The following PGPEP1L variants were observed in gnomAD, a reference collection of about 807,000 sequenced individuals.
The protein encoded by PGPEP1L is pyroglutamyl-peptidase 1-like protein.
PGPEP1L carries 7 observed loss-of-function variants against 6.0 expected under a neutral mutation model. The ratio of observed to expected loss-of-function variants is 1.17; its 90% CI spans 0.66 to 2.19. The LOEUF (loss-of-function observed/expected upper bound fraction) is 2.19. PGPEP1L is among the 30% of genes most tolerant of loss of function. The pLI is 0.00. For synonymous variants in PGPEP1L, 103 were observed against 83.9 expected (o/e 1.23, Z -1.24); for missense variants, 209 against 192.5 (o/e 1.09, Z -0.51).
At chr15:98,985,944 T>G (rs1380432873) in intron 2 of PGPEP1L, among the ~76,000 whole-genome samples, 1 of 152,226 alleles carries the variant, frequency 6.6e-6, no homozygotes, top group Non-Finnish European at 1.5e-5. Context: ...CAACTTTGCT[T>G]GAGCTTCCTC....
chr15:98,988,542 G>GA (rs1464426028), intron 2 of PGPEP1L, among the ~76,000 whole-genome samples: 2 of 152,196 alleles, frequency 1.3e-5, no homozygotes, highest in African/African-American at 4.8e-5. Flanking sequence ...GCACCTGGGG[G>GA]AAGGGGCAGC....
chr15:98,970,018 C>T (rs1036221652), intron 3 of PGPEP1L, among the ~76,000 whole-genome samples: 1 of 151,794 alleles, frequency 6.6e-6, no homozygotes, highest in Non-Finnish European at 1.5e-5. Context: ...TTGGTGGAAT[C>T]CTGAATCTTT....
intron 2 of PGPEP1L, among the ~76,000 whole-genome samples, chr15:98,984,886 A>G (rs569082113): frequency 6.6e-6 from 1 of 151,890 alleles, no homozygotes; most frequent in African/African-American, 2.4e-5. Flanking sequence ...GACGGTGGAG[A>G]AGACAAACTC....
intron 2 of PGPEP1L, among the ~76,000 whole-genome samples, chr15:99,002,097 C>T (rs926583787): frequency 6.6e-5 from 10 of 152,070 alleles, no homozygotes; most frequent in African/African-American, 2.4e-4. Flanking sequence ...CTGCAGCTTC[C>T]ATCTCCTGGG....
chr15:98,971,184 C>A (rs767560245), intron 2 of PGPEP1L, 26 bp from the exon 3 acceptor site: 4 of 1,211,418 alleles, frequency 3.3e-6, no homozygotes, highest in African/African-American at 4.6e-5. Context: ...GGTGGACTTG[C>A]CTCAGTTGAT....
At chr15:98,981,562 G>C (rs1322240508) in intron 2 of PGPEP1L, among the ~76,000 whole-genome samples, 1 of 151,504 alleles carries the variant, frequency 6.6e-6, no homozygotes, top group African/African-American at 2.4e-5. Flanking sequence ...AATGGCCACA[G>C]CCAAGACAAG....
chr15:98,987,328 G>A (rs941679861), intron 2 of PGPEP1L, among the ~76,000 whole-genome samples: 1 of 152,150 alleles, frequency 6.6e-6, no homozygotes, highest in Non-Finnish European at 1.5e-5. Flanking sequence ...GAAAAGGCCA[G>A]ATAGTCTCTC....
At position 98,969,515 on chromosome 15, in the gene PGPEP1L, T is replaced by C; in HGVS notation, c.119A>G (p.Asp40Gly). ...EGGVCLPGSP[D>G]VLESGVCMKA... ...CATGCAGACCCCTGACTCCAGCACG[T>C]CTGGGCTGCCAGGTAGGCACACGCC... The change falls in exon 4 of 5, where the codon GAC becomes GGC. Residue 40 changes from aspartate to glycine, a missense_variant. Asp to Gly is a moderately conservative substitution (Grantham distance 94). Coordinates refer to ENST00000535714, the MANE Select transcript of PGPEP1L (RefSeq NM_001167902.2). 1 of 1,614,038 alleles carries C rather than the reference T, an allele frequency of 6.2e-7. No individual in the cohort carries two copies. Among genetic ancestry groups the C allele is most frequent in the Non-Finnish European group, 8.5e-7 (1 of 1,179,894 alleles).
chr15:98,976,649 G>T (rs2017574050), intron 2 of PGPEP1L, among the ~76,000 whole-genome samples: 1 of 152,128 alleles, frequency 6.6e-6, no homozygotes, highest in South Asian at 2.1e-4. Context: ...GAACAGAAGA[G>T]GCAAGGAGGG....
intron 2 of PGPEP1L, among the ~76,000 whole-genome samples, chr15:99,005,139 G>A (rs1222189086): frequency 6.6e-6 from 1 of 152,162 alleles, no homozygotes; most frequent in Non-Finnish European, 1.5e-5. Flanking sequence ...CCTCCCTGCT[G>A]GGTTGAAAGG....
At chr15:98,993,459 G>A (rs1233046620) in intron 2 of PGPEP1L, among the ~76,000 whole-genome samples, 1 of 152,236 alleles carries the variant, frequency 6.6e-6, no homozygotes, top group Admixed American at 6.5e-5. Context: ...AGATGCTGGA[G>A]AGGATTTGGA....
chr15:99,000,987 C>T (rs541878483), intron 2 of PGPEP1L, among the ~76,000 whole-genome samples: 2 of 152,184 alleles, frequency 1.3e-5, no homozygotes, highest in East Asian at 3.9e-4. Context: ...CTGAAACCAG[C>T]GAGACCACGA....
intron 2 of PGPEP1L, among the ~76,000 whole-genome samples, chr15:98,978,406 G>A (rs907837083): frequency 2.0e-5 from 3 of 152,170 alleles, no homozygotes; most frequent in African/African-American, 7.2e-5. Context: ...CTGGCTCACA[G>A]CCTGCAGGCC....
chr15:98,995,517 G>C (rs1488849676), intron 2 of PGPEP1L, among the ~76,000 whole-genome samples: 6 of 152,156 alleles, frequency 3.9e-5, no homozygotes, highest in African/African-American at 2.4e-5. Context: ...GGCCAACATA[G>C]TGAAACCCCA....
At chr15:98,972,052 A>C (rs2017504977) in intron 2 of PGPEP1L, among the ~76,000 whole-genome samples, 1 of 152,216 alleles carries the variant, frequency 6.6e-6, no homozygotes, top group Admixed American at 6.5e-5. Context: ...TTAGAGATAC[A>C]TTAAAAATAA....
At chr15:98,977,195 GT>G (rs1283590730) in intron 2 of PGPEP1L, among the ~76,000 whole-genome samples, 2 of 152,008 alleles carry the variant, frequency 1.3e-5, no homozygotes, top group Non-Finnish European at 2.9e-5. Context: ...TAACTTTTGG[GT>G]TTTGGTTTGA....
At position 98,981,693 on chromosome 15, in the gene PGPEP1L, T is replaced by C. The variant is rs1160249453; in HGVS notation, c.-141-10535A>G. 2.6e-5 allele frequency among the ~76,000 whole-genome samples: 4 copies of C among 152,188 alleles called. No homozygotes were observed. In the East Asian group the frequency reaches 7.7e-4, roughly 29 times the overall value. ...CTATGGACTTTATGTAAAGGTAATA[T>C]ATTCCTACTGGTTCCGTCATTGTGA... On this transcript the variant is annotated intron_variant, in intron 2 of 4. Transcript: ENST00000535714.
At chr15:98,977,436 T>C (rs1406872766) in intron 2 of PGPEP1L, among the ~76,000 whole-genome samples, 1 of 152,272 alleles carries the variant, frequency 6.6e-6, no homozygotes, top group East Asian at 1.9e-4. Context: ...TTATGTCTCC[T>C]TTCATCTCTG....
intron 2 of PGPEP1L, among the ~76,000 whole-genome samples, chr15:98,988,758 C>T (rs575315562): frequency 1.1e-4 from 16 of 152,326 alleles, no homozygotes; most frequent in African/African-American, 3.6e-4. Context: ...TGGCATCTGG[C>T]AGGTGCCCCT....
Sources: gnomAD v4.1 joint callset for allele counts (sites outside exome capture counted in the v4.1 genomes callset) on GRCh38, gnomAD v4.1.1 for gene constraint, MANE v1.5 for transcripts, NCBI Gene and HGNC (gene_info 2026-07-23, HGNC 2026-07-21) for gene names.